Variants in PTPRK observed in about 807,000 individuals in gnomAD.
PTPRK encodes the protein protein tyrosine phosphatase receptor type K, also known as receptor-type tyrosine-protein phosphatase kappa.
Under a neutral mutation model 178.0 loss-of-function variants are expected in PTPRK, and 75 were observed. The ratio of observed to expected loss-of-function variants is 0.42; its 90% CI spans 0.35 to 0.51. The LOEUF (loss-of-function observed/expected upper bound fraction) is 0.51. Ranked by LOEUF, PTPRK falls within the 20% of genes least tolerant of loss-of-function variation. The probability of loss-of-function intolerance (pLI) is 0.02; values close to 1 mark genes in which losing one functional copy is unlikely to be tolerated. For missense variants in PTPRK, 1,441 were observed against 1,797.8 expected (o/e 0.80, Z 3.59); for synonymous variants, 637 against 620.6 (o/e 1.03, Z -0.39).
intron 1 of PTPRK, among the ~76,000 whole-genome samples, chr6:128,479,081 G>C (rs1851726930): frequency 6.6e-6 from 1 of 152,050 alleles, no homozygotes; most frequent in Non-Finnish European, 1.5e-5. Flanking sequence ...GACTCTACTA[G>C]AGTGTAGCTG....
intron 2 of PTPRK, among the ~76,000 whole-genome samples, chr6:128,367,546 A>G (rs578139498): frequency 6.6e-6 from 1 of 152,268 alleles, no homozygotes; most frequent in Admixed American, 6.5e-5. Flanking sequence ...CTTAAATTTA[A>G]GTGGTCTCAG....
intron 13 of PTPRK, among the ~76,000 whole-genome samples, chr6:128,054,815 C>T (rs1179889275): frequency 6.6e-6 from 1 of 152,190 alleles, no homozygotes; most frequent in Non-Finnish European, 1.5e-5. Context: ...GAACACTTAG[C>T]ACAGAGAAGA....
intron 6 of PTPRK, among the ~76,000 whole-genome samples, chr6:128,189,002 T>C (rs1331926483): frequency 1.3e-5 from 2 of 152,062 alleles, no homozygotes; most frequent in Non-Finnish European, 2.9e-5. Flanking sequence ...ATAAGGAACA[T>C]TACAGGTTCC....
chr6:128,149,501 C>T (rs1796970413), intron 7 of PTPRK, among the ~76,000 whole-genome samples: 1 of 152,044 alleles, frequency 6.6e-6, no homozygotes, highest in Non-Finnish European at 1.5e-5. Context: ...ATGCATTAGA[C>T]AGCTTTGGAA....
At chr6:128,379,207 ACTCT>A (rs1837526398) in intron 2 of PTPRK, among the ~76,000 whole-genome samples, 1 of 151,820 alleles carries the variant, frequency 6.6e-6, no homozygotes, top group African/African-American at 2.4e-5. Flanking sequence ...CTTCCTTTCT[ACTCT>A]CTCTATCTCT....
At chr6:128,016,773 T>C (rs1779639090) in intron 13 of PTPRK, among the ~76,000 whole-genome samples, 1 of 151,956 alleles carries the variant, frequency 6.6e-6, no homozygotes, top group Non-Finnish European at 1.5e-5. Context: ...AGATGTATAG[T>C]AGAAAGTTGT....
intron 1 of PTPRK, among the ~76,000 whole-genome samples, chr6:128,497,161 G>C (rs1478531005): frequency 3.3e-5 from 5 of 152,066 alleles, no homozygotes; most frequent in Non-Finnish European, 5.9e-5. Context: ...TCACATTAGA[G>C]GGAAATAATA....
At chr6:128,298,983 C>T (rs1173876424) in intron 3 of PTPRK, among the ~76,000 whole-genome samples, 2 of 152,142 alleles carry the variant, frequency 1.3e-5, no homozygotes, top group Non-Finnish European at 2.9e-5. Flanking sequence ...ACTGTCTCAG[C>T]CCAAAATCTC....
At position 128,513,794 on chromosome 6, in the gene PTPRK, A is replaced by T. The variant is rs537564711; in HGVS notation, c.100+6465T>A. 3.3e-5 allele frequency among the ~76,000 whole-genome samples: 5 copies of T among 152,328 alleles called. No homozygotes were observed. In the East Asian group the frequency reaches 9.7e-4, roughly 29 times the overall value. On this transcript the variant is annotated intron_variant, in intron 1 of 29. Transcript: ENST00000368226. ...CACAAATTTCCAGATGATGCTAATT[A>T]TATTGGTCCATGAACCACAAAATCC... is the stretch of plus-strand genomic sequence containing the variant.
intron 13 of PTPRK, among the ~76,000 whole-genome samples, chr6:128,009,544 T>A (rs1293060804): frequency 6.6e-6 from 1 of 151,190 alleles, no homozygotes; most frequent in East Asian, 2.0e-4. Flanking sequence ...TCCCCAAGTG[T>A]CCTTGAAAGT....
chr6:128,150,466 C>T (rs1797092400), intron 7 of PTPRK, among the ~76,000 whole-genome samples: 1 of 152,090 alleles, frequency 6.6e-6, no homozygotes, highest in South Asian at 2.1e-4. Flanking sequence ...GAAGGGCCCA[C>T]ACTTTGAACT....
chr6:128,405,771 G>T (rs190826083), intron 1 of PTPRK, among the ~76,000 whole-genome samples: 1 of 151,678 alleles, frequency 6.6e-6, no homozygotes, highest in African/African-American at 2.4e-5. Flanking sequence ...TTTTTTTTAT[G>T]AAGGGACGTA....
chr6:128,446,960 A>C (rs1357273173), intron 1 of PTPRK, among the ~76,000 whole-genome samples: 2 of 152,130 alleles, frequency 1.3e-5, no homozygotes, highest in African/African-American at 4.8e-5. Flanking sequence ...TAGTTACTTA[A>C]ATTTTTATCT....
intron 2 of PTPRK, among the ~76,000 whole-genome samples, chr6:128,376,900 C>G (rs749283415): frequency 6.6e-6 from 1 of 152,210 alleles, no homozygotes; most frequent in Non-Finnish European, 1.5e-5. Context: ...CGGTTCCCAA[C>G]AAGTTCCTCA....
intron 7 of PTPRK, among the ~76,000 whole-genome samples, chr6:128,140,121 C>G (rs1795565067): frequency 6.6e-6 from 1 of 151,968 alleles, no homozygotes; most frequent in South Asian, 2.1e-4. Flanking sequence ...CTCCTTAGCA[C>G]TCACATTATT....
chr6:128,467,126 A>G (rs974566478), intron 1 of PTPRK, among the ~76,000 whole-genome samples: 19 of 152,102 alleles, frequency 1.2e-4, no homozygotes, highest in Admixed American at 7.2e-4. Flanking sequence ...CAGTCTCCCA[A>G]GTAGCTGTGA....
intron 3 of PTPRK, among the ~76,000 whole-genome samples, chr6:128,293,209 T>C (rs1823702636): frequency 6.6e-6 from 1 of 152,072 alleles, no homozygotes; most frequent in Admixed American, 6.6e-5. Flanking sequence ...TACCAGAGAC[T>C]GGGTAATTTA....
chr6:128,415,302 G>GT (rs1359331177), intron 1 of PTPRK, among the ~76,000 whole-genome samples: 1 of 152,122 alleles, frequency 6.6e-6, no homozygotes, highest in Non-Finnish European at 1.5e-5. Context: ...AGGAATCTTA[G>GT]TTTTTAATCT....
At chr6:128,141,387 T>G (rs1435069744) in intron 7 of PTPRK, among the ~76,000 whole-genome samples, 1 of 151,888 alleles carries the variant, frequency 6.6e-6, no homozygotes, top group African/African-American at 2.4e-5. Context: ...AACGAATCAT[T>G]ATATCTTTAC....
Sources: gnomAD v4.1 joint callset for allele counts (sites outside exome capture counted in the v4.1 genomes callset) on GRCh38, gnomAD v4.1.1 for gene constraint, MANE v1.5 for transcripts, NCBI Gene and HGNC (gene_info 2026-07-23, HGNC 2026-07-21) for gene names.